RALYL: variants seen among roughly 807,000 people sequenced by gnomAD.
The protein encoded by RALYL is RNA-binding Raly-like protein.
In RALYL, 29 loss-of-function variants were observed where a neutral mutation model predicts 35.1. That is an observed-to-expected ratio of 0.83 (90% CI 0.61 to 1.13). The LOEUF is 1.13. Ranked by LOEUF, RALYL falls within the 50% of genes most tolerant of loss-of-function variation. RALYL has a pLI of 0.00. For missense variants in RALYL, 359 were observed against 360.4 expected (o/e 1.00, Z 0.03); for synonymous variants, 120 against 127.6 (o/e 0.94, Z 0.40).
chr8:84,349,590 T>TC (rs1459382209), intron 1 of RALYL, among the ~76,000 whole-genome samples: 6 of 150,090 alleles, frequency 4.0e-5, no homozygotes, highest in Non-Finnish European at 7.4e-5. Flanking sequence ...ATATTTTCTC[T>TC]CCCCCCACCT....
In RALYL at chr8:84,469,454, C is replaced by T. The variant is rs542029287; in HGVS notation, c.-23-59845C>T. On this transcript the variant is annotated intron_variant, in intron 1 of 8. Transcript: ENST00000521268. ...GGGGGTGCCTCCCAGTTAGGCTGCT[C>T]GGGTGTCAGGGGACAGGGACCCACT... Among the ~76,000 whole-genome samples the T allele has an allele frequency of 2.8e-3, 430 of 152,280 alleles. 3 individuals carry two copies. The highest frequency in any genetic ancestry group is 0.019 in the South Asian group (94 of 4,826).
intron 2 of RALYL, among the ~76,000 whole-genome samples, chr8:84,668,808 A>G (rs1564341964): frequency 6.6e-6 from 1 of 152,146 alleles, no homozygotes; most frequent in Non-Finnish European, 1.5e-5. Flanking sequence ...GCCAGACAAG[A>G]CAGAGAAGGA....
chr8:84,283,660 G>T (rs1837048625), intron 1 of RALYL, among the ~76,000 whole-genome samples: 1 of 152,088 alleles, frequency 6.6e-6, no homozygotes, highest in Non-Finnish European at 1.5e-5. Flanking sequence ...TATGGTTCTG[G>T]CCACATTTAG....
intron 1 of RALYL, among the ~76,000 whole-genome samples, chr8:84,421,580 C>G (rs80313715): frequency 0.22 from 24,588 of 113,546 alleles, 1,341 homozygotes; most frequent in South Asian, 0.33. Flanking sequence ...ACTTCCAACA[C>G]TATGTTGAAT....
chr8:84,258,366 A>G (rs951982608), intron 1 of RALYL, among the ~76,000 whole-genome samples: 1 of 152,194 alleles, frequency 6.6e-6, no homozygotes, highest in African/African-American at 2.4e-5. Context: ...AAAGGAATAG[A>G]TATTAAATTC....
chr8:84,919,261 T>C (rs1848946484), intron 8 of RALYL, among the ~76,000 whole-genome samples: 1 of 151,880 alleles, frequency 6.6e-6, no homozygotes, highest in Non-Finnish European at 1.5e-5. Context: ...ATTTCCTTTT[T>C]TGCACACAAG....
intron 2 of RALYL, among the ~76,000 whole-genome samples, chr8:84,633,423 C>A (rs1824359373): frequency 6.6e-6 from 1 of 151,794 alleles, no homozygotes; most frequent in African/African-American, 2.4e-5. Flanking sequence ...TAGAAAAAGG[C>A]TGTCCCAATA....
intron 1 of RALYL, among the ~76,000 whole-genome samples, chr8:84,249,475 T>C (rs1054726388): frequency 7.9e-5 from 12 of 152,136 alleles, no homozygotes; most frequent in African/African-American, 2.7e-4. Context: ...CCATAAGCAA[T>C]TAAAATTTGT....
chr8:84,612,550 C>CAAGCATTTGCTTGTCTGTAAAGTA (rs1564235368), intron 2 of RALYL, among the ~76,000 whole-genome samples: 7 of 151,948 alleles, frequency 4.6e-5, no homozygotes, highest in African/African-American at 1.7e-4. Context: ...TGTTACTCTA[C>CAAGCATTTGCTTGTCTGTAAAGTA]TCCAGAAGAG....
intron 4 of RALYL, among the ~76,000 whole-genome samples, chr8:84,846,103 T>C: frequency 6.6e-6 from 1 of 152,334 alleles, no homozygotes; most frequent in Non-Finnish European, 1.5e-5. Context: ...TGCTTAGGAT[T>C]GCTTTGGCTA....
chr8:84,724,391 G>A (rs1488429380), intron 2 of RALYL, among the ~76,000 whole-genome samples: 3 of 151,764 alleles, frequency 2.0e-5, no homozygotes, highest in African/African-American at 4.8e-5. Flanking sequence ...CCTTTAGAGT[G>A]CTAAGCATAC....
At chr8:84,581,446 C>A (rs1275596639) in intron 2 of RALYL, among the ~76,000 whole-genome samples, 1 of 152,098 alleles carries the variant, frequency 6.6e-6, no homozygotes, top group Non-Finnish European at 1.5e-5. Flanking sequence ...ATGCCCAGAG[C>A]CTGATATAAT....
chr8:84,394,961 A>G (rs1258759342), intron 1 of RALYL, among the ~76,000 whole-genome samples: 3 of 151,944 alleles, frequency 2.0e-5, no homozygotes, highest in Non-Finnish European at 4.4e-5. Flanking sequence ...TATTAAACAC[A>G]AAATATATTT....
At chr8:84,785,827 A>T (rs1819312101) in intron 3 of RALYL, among the ~76,000 whole-genome samples, 1 of 152,134 alleles carries the variant, frequency 6.6e-6, no homozygotes, top group Non-Finnish European at 1.5e-5. Flanking sequence ...TTGATTAGAG[A>T]AAAAAACATT....
chr8:84,550,835 A>G (rs1377257298), intron 2 of RALYL, among the ~76,000 whole-genome samples: 1 of 151,936 alleles, frequency 6.6e-6, no homozygotes, highest in Middle Eastern at 3.2e-3. Context: ...ACCTTTGATT[A>G]CTATCTATAA....
chr8:84,373,335 G>A lies in RALYL; in HGVS notation c.-23-155964G>A, dbSNP rs940917372. On this transcript the variant is annotated intron_variant, in intron 1 of 8. Transcript: ENST00000521268. ...TGGTGTTACCTAGGTCATCATTGAGGGTTTTTATAGTTTCAGGTTTTACAT... is the reference window on the plus strand; with the variant it reads ...TGGTGTTACCTAGGTCATCATTGAGAGTTTTTATAGTTTCAGGTTTTACAT... Among the ~76,000 whole-genome samples the A allele has an allele frequency of 1.5e-3, 224 of 151,782 alleles. 2 individuals carry two copies. The highest frequency in any genetic ancestry group is 5.2e-3 in the African/African-American group (213 of 41,318).
intron 1 of RALYL, among the ~76,000 whole-genome samples, chr8:84,302,470 C>G (rs749413074): frequency 6.6e-6 from 1 of 152,118 alleles, no homozygotes; most frequent in Non-Finnish European, 1.5e-5. Context: ...TCATAGGATA[C>G]TTAGTTCCAC....
At chr8:84,911,856 A>C (rs1847566029) in intron 8 of RALYL, among the ~76,000 whole-genome samples, 2 of 152,114 alleles carry the variant, frequency 1.3e-5, no homozygotes, top group Non-Finnish European at 2.9e-5. Context: ...ACAAAATTAT[A>C]AACAATACAG....
chr8:84,776,814 A>G (rs1816953369), intron 3 of RALYL, among the ~76,000 whole-genome samples: 1 of 152,204 alleles, frequency 6.6e-6, no homozygotes, highest in African/African-American at 2.4e-5. Flanking sequence ...GTTATATTCA[A>G]TTGTGTTCAA....
Sources: allele counts gnomAD v4.1 joint callset (sites outside exome capture counted in the v4.1 genomes callset), GRCh38; gene constraint gnomAD v4.1.1; transcripts MANE v1.5; gene names NCBI Gene and HGNC (gene_info 2026-07-23, HGNC 2026-07-21).